Variants in SAMTOR observed in about 807,000 individuals in gnomAD.
SAMTOR encodes the protein S-adenosylmethionine sensor upstream of mTORC1.
At chr7:112,939,652 C>T in the SAMTOR span, 2 of 1,613,946 alleles carry the variant, frequency 1.2e-6, no homozygotes, top group Non-Finnish European at 8.5e-7. Flanking sequence ...AGAGCTTCTC[C>T]TGCTCCAGTT....
the SAMTOR span, among the ~76,000 whole-genome samples, chr7:112,822,841 C>T: frequency 6.6e-6 from 1 of 151,934 alleles, no homozygotes; most frequent in African/African-American, 2.4e-5. Flanking sequence ...CAGAATGATT[C>T]CAAAACTTTA....
the SAMTOR span, among the ~76,000 whole-genome samples, chr7:112,926,644 A>G: frequency 2.6e-5 from 4 of 152,224 alleles, no homozygotes; most frequent in African/African-American, 4.8e-5. Context: ...TATAACTGAC[A>G]GTAGAAGATG....
At chr7:112,904,547 C>T in the SAMTOR span, among the ~76,000 whole-genome samples, 147,715 of 152,180 alleles carry the variant, frequency 0.97, 71,825 homozygotes, top group East Asian at 1. Flanking sequence ...CTGATGAAAA[C>T]TGAGATGCTT....
the SAMTOR span, among the ~76,000 whole-genome samples, chr7:112,933,664 T>C: frequency 1.3e-5 from 2 of 152,204 alleles, no homozygotes; most frequent in African/African-American, 4.8e-5. Context: ...CCTGCTTTTC[T>C]TTGCAACAGA....
the SAMTOR span, among the ~76,000 whole-genome samples, chr7:112,850,438 C>T: frequency 6.6e-6 from 1 of 152,164 alleles, no homozygotes; most frequent in Non-Finnish European, 1.5e-5. Context: ...AAAGAATTCA[C>T]TACACCTCAA....
the SAMTOR span, among the ~76,000 whole-genome samples, chr7:112,911,201 T>C: frequency 1.3e-5 from 2 of 152,290 alleles, no homozygotes; most frequent in Admixed American, 1.3e-4. Context: ...CACAGGTCTA[T>C]TTATGAGTAT....
At chr7:112,878,563 C>G in the SAMTOR span, among the ~76,000 whole-genome samples, 5 of 152,066 alleles carry the variant, frequency 3.3e-5, no homozygotes, top group African/African-American at 1.2e-4. Flanking sequence ...TAATATTTGA[C>G]ACTATATCTA....
chr7:112,935,163 A>G, the SAMTOR span: 8 of 416,290 alleles, frequency 1.9e-5, no homozygotes, highest in South Asian at 1.1e-4. Context: ...AGAAGAACAC[A>G]AAAAGAAAAC....
At chr7:112,861,634 C>A in the SAMTOR span, among the ~76,000 whole-genome samples, 2 of 152,162 alleles carry the variant, frequency 1.3e-5, no homozygotes, top group Admixed American at 6.5e-5. Flanking sequence ...ATTAATAAAT[C>A]TGATCCTTCT....
At chr7:112,848,084 T>TAG in the SAMTOR span, among the ~76,000 whole-genome samples, 1 of 152,128 alleles carries the variant, frequency 6.6e-6, no homozygotes, top group Non-Finnish European at 1.5e-5. Flanking sequence ...GCTCAGGAAT[T>TAG]AGAGGCTATA....
the SAMTOR span, among the ~76,000 whole-genome samples, chr7:112,871,326 A>G: frequency 6.6e-6 from 1 of 152,196 alleles, no homozygotes; most frequent in South Asian, 2.1e-4. Context: ...GCATATTCTC[A>G]TATCACAGAG....
At chr7:112,904,903 T>C in the SAMTOR span, among the ~76,000 whole-genome samples, 3 of 152,166 alleles carry the variant, frequency 2.0e-5, no homozygotes, top group Non-Finnish European at 4.4e-5. Context: ...GGGAGGGGTG[T>C]TGGAGGGTGT....
the SAMTOR span, among the ~76,000 whole-genome samples, chr7:112,888,282 G>A: frequency 4.6e-5 from 7 of 152,122 alleles, no homozygotes; most frequent in Non-Finnish European, 5.9e-5. Flanking sequence ...TGTAGTGTGA[G>A]AGAAGGCATA....
At chr7:112,846,363 G>C in the SAMTOR span, among the ~76,000 whole-genome samples, 2 of 152,040 alleles carry the variant, frequency 1.3e-5, no homozygotes, top group Non-Finnish European at 2.9e-5. Context: ...GGGCCTACTT[G>C]AGGGTAGAGG....
the SAMTOR span, among the ~76,000 whole-genome samples, chr7:112,917,783 G>A: frequency 8.5e-5 from 13 of 152,248 alleles, no homozygotes; most frequent in South Asian, 2.1e-4. Flanking sequence ...GCCAAGGCTC[G>A]AGAACTACGT....
chr7:112,849,991 G>C, the SAMTOR span, among the ~76,000 whole-genome samples: 1 of 152,178 alleles, frequency 6.6e-6, no homozygotes, highest in Non-Finnish European at 1.5e-5. Context: ...TGGATCACCT[G>C]AGGTCAGGAG....
At chr7:112,852,536 A>G in the SAMTOR span, among the ~76,000 whole-genome samples, 2 of 152,138 alleles carry the variant, frequency 1.3e-5, no homozygotes, top group Admixed American at 6.5e-5. Flanking sequence ...AAGCCCAGAC[A>G]TCACTACGCA....
At chr7:112,850,554 T>A in the SAMTOR span, among the ~76,000 whole-genome samples, 12 of 151,964 alleles carry the variant, frequency 7.9e-5, no homozygotes, top group Non-Finnish European at 1.6e-4. Context: ...GTTGGGAGAG[T>A]TTTTACTACT....
chr7:112,823,991 T>A, the SAMTOR span, among the ~76,000 whole-genome samples: 14 of 152,242 alleles, frequency 9.2e-5, no homozygotes, highest in Non-Finnish European at 1.8e-4. Flanking sequence ...TCAAATATTT[T>A]GCCCATTTAA....
Sources: allele counts gnomAD v4.1 joint callset (sites outside exome capture counted in the v4.1 genomes callset), GRCh38; gene constraint gnomAD v4.1.1; transcripts MANE v1.5; gene names NCBI Gene and HGNC (gene_info 2026-07-23, HGNC 2026-07-21).